Variants in MED13 observed in about 807,000 individuals in gnomAD.
The protein encoded by MED13 is mediator of RNA polymerase II transcription subunit 13.
In MED13, 23 loss-of-function variants were observed where a neutral mutation model predicts 225.2. The ratio of observed to expected loss-of-function variants is 0.10; its 90% CI spans 0.07 to 0.14. MED13 has a LOEUF of 0.14. MED13 is among the 10% of genes least tolerant of loss of function. The pLI is 1.00. For synonymous variants in MED13, 942 were observed against 889.2 expected (o/e 1.06, Z -1.06); for missense variants, 2,197 against 2,594.5 (o/e 0.85, Z 3.33).
rs1567965055 is a variant in MED13 at position 61,993,218 on chromosome 17, T to TTG, written c.2182-599_2182-598dup. Among the ~76,000 whole-genome samples, 2 of 146,716 alleles carry TTG rather than the reference T, an allele frequency of 1.4e-5. 1 individual carries two copies. Among genetic ancestry groups the TTG allele is most frequent in the African/African-American group, 5.1e-5 (2 of 39,022 alleles). On this transcript the variant is annotated intron_variant, in intron 10 of 29. Coordinates refer to ENST00000397786, the MANE Select transcript of MED13 (RefSeq NM_005121.3). ...TTTCTTTCTTTTTTTTTTTTTTTTT[T>TTG]TGAGACAGAGTCTCACTCTGTCACC...
intron 8 of MED13, among the ~76,000 whole-genome samples, chr17:62,019,966 G>A (rs1000081897): frequency 1.3e-5 from 2 of 151,866 alleles, no homozygotes; most frequent in African/African-American, 4.8e-5. Flanking sequence ...GGATGGTCTC[G>A]ATCTCCTGAC....
Position 61,955,578 on chromosome 17 carries a change from A to G in MED13, c.5783-11T>C, listed in dbSNP as rs2079935602. Reference sequence around the variant, plus strand: ...CAGTTGACACAGAATCTGAAAATGAAAGACATTTTTTCTTTTAATAAACGA... The same window carrying G: ...CAGTTGACACAGAATCTGAAAATGAGAGACATTTTTTCTTTTAATAAACGA... On this transcript the variant is annotated splice_polypyrimidine_tract_variant and intron_variant, in intron 25 of 29. Coordinates refer to ENST00000397786, the MANE Select transcript of MED13 (RefSeq NM_005121.3). 5 of 1,547,224 alleles carry G rather than the reference A, an allele frequency of 3.2e-6. No individual in the cohort carries two copies. In the African/African-American group the frequency reaches 7.0e-5, roughly 22 times the overall value.
intron 9 of MED13, among the ~76,000 whole-genome samples, chr17:61,999,690 G>C (rs530293026): frequency 3.3e-5 from 5 of 152,012 alleles, no homozygotes; most frequent in Non-Finnish European, 7.4e-5. Flanking sequence ...GAATAAAAAA[G>C]GTACTCAGAA....
intron 9 of MED13, among the ~76,000 whole-genome samples, chr17:61,996,826 C>A (rs73991956): frequency 0.014 from 2,170 of 152,224 alleles, 52 homozygotes; most frequent in African/African-American, 0.049. Context: ...AACATAAAAG[C>A]TCCACAAGGA....
chr17:61,952,870 C>A, intron 27 of MED13, 95 bp downstream of exon 27: 3 of 1,399,728 alleles, frequency 2.1e-6, no homozygotes, highest in Non-Finnish European at 2.9e-6. Context: ...CTCCTGACCT[C>A]GTGATCCACC....
chr17:61,952,878 A>T, intron 27 of MED13, 87 bp downstream of exon 27: 1 of 1,443,894 alleles, frequency 6.9e-7, no homozygotes, highest in Non-Finnish European at 9.4e-7. Context: ...CTCGTGATCC[A>T]CCTGCTTCGC....
At chr17:62,059,139 C>T (rs534852656) in intron 2 of MED13, among the ~76,000 whole-genome samples, 1 of 151,940 alleles carries the variant, frequency 6.6e-6, no homozygotes, top group East Asian at 1.9e-4. Flanking sequence ...TAAATGAGAT[C>T]CTAGAAAAGA....
At chr17:61,971,420 TC>T (rs1298653226) in intron 17 of MED13, among the ~76,000 whole-genome samples, 2 of 151,672 alleles carry the variant, frequency 1.3e-5, no homozygotes, top group African/African-American at 4.8e-5. Context: ...TGCCACAGCC[TC>T]TCAAGTAGCT....
chr17:61,959,260 C>CT (rs1236923555), intron 23 of MED13, among the ~76,000 whole-genome samples: 1 of 152,140 alleles, frequency 6.6e-6, no homozygotes, highest in African/African-American at 2.4e-5. Flanking sequence ...GGTGATCCAC[C>CT]TGCCTTGGCC....
At chr17:62,015,911 TAC>T (rs1181563177) in intron 8 of MED13, among the ~76,000 whole-genome samples, 2 of 33,786 alleles carry the variant, frequency 5.9e-5, no homozygotes, top group Non-Finnish European at 1.0e-4. Flanking sequence ...ATACACACTA[TAC>T]ACATATATAT....
At chr17:62,015,568 C>G (rs1295743379) in intron 8 of MED13, among the ~76,000 whole-genome samples, 4 of 151,484 alleles carry the variant, frequency 2.6e-5, no homozygotes, top group Non-Finnish European at 4.4e-5. Flanking sequence ...ACTGTTTGAA[C>G]TTTTAATTTT....
rs1302559259 is a variant in MED13, at chr17:61,944,180, T to G, written c.*2288A>C. The G allele has an allele frequency of 6.6e-6, 1 of 152,616 alleles. No individual in the cohort carries two copies. The highest frequency in any genetic ancestry group is 1.5e-5 in the Non-Finnish European group (1 of 68,012). The allele number at this position is 152,616 out of a possible 1,614,324, so 9.5% of individuals were successfully genotyped here. Reference sequence around the variant, plus strand: ...GTGTACTGGGTTCCCTCCTTATGGCTCCATATTAAATAACCTGTCAGGGAA... The same window carrying G: ...GTGTACTGGGTTCCCTCCTTATGGCGCCATATTAAATAACCTGTCAGGGAA... On this transcript the variant is annotated 3_prime_UTR_variant, in exon 30 of 30. Transcript: ENST00000397786.
rs146054071 is a variant in MED13 at position 62,010,817 on chromosome 17, T to C, written c.1700A>G (p.Asp567Gly). 2.0e-5 allele frequency: 32 copies of C among 1,614,204 alleles called. No homozygotes were observed. In the African/African-American group the frequency reaches 3.6e-4, roughly 18 times the overall value. The stretch of plus-strand genomic sequence containing the variant: ...CATTGGTTTAGAAGGAACCAAGGGA[T>C]CTGGTGTTGGCATTTGATAAAAATG... ...SQHFYQMPTP[D>G]PLVPSKPMED... The change falls in exon 9 of 30, where the codon GAT (aspartate) becomes GGT (glycine). Residue 567 changes from aspartate (D) to glycine (G), a missense_variant. Coordinates refer to ENST00000397786, the MANE Select transcript of MED13 (RefSeq NM_005121.3).
chr17:61,989,367 G>A (rs903178959), intron 11 of MED13, among the ~76,000 whole-genome samples: 1 of 150,762 alleles, frequency 6.6e-6, no homozygotes, highest in East Asian at 2.0e-4. Flanking sequence ...TGGAGATGGA[G>A]TTTCACTCTT....
intron 8 of MED13, among the ~76,000 whole-genome samples, chr17:62,021,230 G>A (rs1288913023): frequency 2.7e-5 from 4 of 148,192 alleles, no homozygotes; most frequent in African/African-American, 1.0e-4. Flanking sequence ...GGTGGTGGCC[G>A]GGCAGAGGGG....
rs144337667 is a variant in MED13, at chr17:62,033,864, A to C, written c.737T>G (p.Leu246Trp). 1.3e-3 allele frequency: 2,133 copies of C among 1,614,098 alleles called. 17 individuals are homozygous for C. The African/African-American group carries it at 0.016, about 12-fold the overall frequency. ...CTGTTTTTCTTCAGACATCTCCTTC[A>C]AGCAACATGAGATAGGATAGAACTG... ...WKQFYPISCC[L>W]KEMSEEKQED... Residue 246 changes from leucine to tryptophan, a missense_variant, in exon 5 of 30, where the codon TTG (leucine) becomes TGG (tryptophan). By Grantham distance (61) the Leu-to-Trp change is moderately conservative. Transcript: ENST00000397786.
chr17:62,020,786 TAAAC>T (rs1488908304), intron 8 of MED13, among the ~76,000 whole-genome samples: 1 of 150,886 alleles, frequency 6.6e-6, no homozygotes, highest in African/African-American at 2.4e-5. Context: ...GGTCAGCAGA[TAAAC>T]AAGTGAACAA....
intron 3 of MED13, among the ~76,000 whole-genome samples, chr17:62,039,587 AT>A (rs57066822): frequency 0.098 from 10,762 of 109,344 alleles, 392 homozygotes; most frequent in South Asian, 0.21. Context: ...CCCAGCCAAG[AT>A]TTTTTTTTTT....
chr17:61,977,062 T>C (rs983628090), intron 16 of MED13, among the ~76,000 whole-genome samples: 5 of 152,254 alleles, frequency 3.3e-5, no homozygotes, highest in Admixed American at 3.3e-4. Flanking sequence ...CAAACATCTA[T>C]TTTAATATCC....
Sources: allele counts gnomAD v4.1 joint callset (sites outside exome capture counted in the v4.1 genomes callset), GRCh38; gene constraint gnomAD v4.1.1; transcripts MANE v1.5; gene names NCBI Gene and HGNC (gene_info 2026-07-23, HGNC 2026-07-21).